The following SRBD1 variants were observed in gnomAD, a reference collection of about 807,000 sequenced individuals.
The protein encoded by SRBD1 is S1 RNA binding domain 1.
SRBD1 carries 88 observed loss-of-function variants against 115.3 expected under a neutral mutation model. The ratio of observed to expected loss-of-function variants is 0.76; its 90% CI spans 0.64 to 0.91. The LOEUF (loss-of-function observed/expected upper bound fraction) is 0.91, where lower values mean the gene tolerates loss of function less well. SRBD1 is among the 40% of genes least tolerant of loss of function. The pLI is 0.00. For synonymous variants in SRBD1, 509 were observed against 407.7 expected (o/e 1.25, Z -2.99); for missense variants, 1,385 against 1,177.4 (o/e 1.18, Z -2.58).
chr2:45,409,224 T>G (rs141791593), intron 19 of SRBD1, among the ~76,000 whole-genome samples: 1 of 151,740 alleles, frequency 6.6e-6, no homozygotes, highest in Non-Finnish European at 1.5e-5. Flanking sequence ...CCTGTCCACA[T>G]CCCCTCCGAT....
intron 5 of SRBD1, among the ~76,000 whole-genome samples, chr2:45,582,450 A>G (rs1277977827): frequency 6.6e-6 from 1 of 152,206 alleles, no homozygotes; most frequent in Non-Finnish European, 1.5e-5. Context: ...GGGTTTCTCC[A>G]AGACACAGGT....
At chr2:45,473,848 T>C (rs186499820) in intron 16 of SRBD1, among the ~76,000 whole-genome samples, 8 of 152,354 alleles carry the variant, frequency 5.3e-5, no homozygotes, top group Admixed American at 5.2e-4. Context: ...CTGTCTTCAG[T>C]TCAGGAAAAT....
At chr2:45,393,692 C>T (rs967809316) in intron 19 of SRBD1, among the ~76,000 whole-genome samples, 1 of 152,166 alleles carries the variant, frequency 6.6e-6, no homozygotes, top group African/African-American at 2.4e-5. Flanking sequence ...AAATATTTTA[C>T]ACTATAATAT....
intron 15 of SRBD1, among the ~76,000 whole-genome samples, chr2:45,483,075 A>G (rs772547507): frequency 6.6e-6 from 1 of 152,154 alleles, no homozygotes; most frequent in Non-Finnish European, 1.5e-5. Context: ...CAAAACACAA[A>G]AGAAATGCTA....
intron 14 of SRBD1, among the ~76,000 whole-genome samples, chr2:45,509,171 A>G (rs1033846785): frequency 6.6e-6 from 1 of 152,190 alleles, no homozygotes; most frequent in African/African-American, 2.4e-5. Flanking sequence ...TACCTACCCT[A>G]ATCTCCGAGG....
intron 18 of SRBD1, among the ~76,000 whole-genome samples, chr2:45,415,028 A>AT (rs1667774245): frequency 1.4e-5 from 1 of 72,378 alleles, no homozygotes; most frequent in African/African-American, 1.0e-4. Context: ...ATACACACAT[A>AT]TAGTGTGTAT....
intron 4 of SRBD1, among the ~76,000 whole-genome samples, chr2:45,587,095 ATATT>A (rs1180105799): frequency 7.6e-6 from 1 of 132,340 alleles, no homozygotes; most frequent in South Asian, 2.2e-4. Flanking sequence ...AATTTTTTAA[ATATT>A]TAATTATTTT....
intron 14 of SRBD1, among the ~76,000 whole-genome samples, chr2:45,541,080 G>A (rs895677835): frequency 6.6e-6 from 1 of 152,216 alleles, no homozygotes; most frequent in African/African-American, 2.4e-5. Context: ...TGCCAAGGGT[G>A]AGCCAGGCGT....
chr2:45,420,933 A>G (rs556346685), intron 16 of SRBD1, among the ~76,000 whole-genome samples: 6 of 152,234 alleles, frequency 3.9e-5, no homozygotes, highest in Non-Finnish European at 7.3e-5. Context: ...TTACATATGT[A>G]TACATGTGCC....
chr2:45,436,876 G>C (rs1313216961), intron 16 of SRBD1, among the ~76,000 whole-genome samples: 2 of 152,072 alleles, frequency 1.3e-5, no homozygotes, highest in African/African-American at 4.8e-5. Context: ...AAATTCAAAA[G>C]AATTGATTAA....
chr2:45,447,371 C>T (rs868583448), intron 16 of SRBD1: 1 of 152,252 alleles, frequency 6.6e-6, no homozygotes, highest in Non-Finnish European at 1.5e-5. Flanking sequence ...TGCTTGAACT[C>T]AGGGAAGCAG....
In SRBD1 at chr2:45,389,124, A is replaced by C. The variant is rs1666925397; in HGVS notation, c.*186T>G. The C allele has an allele frequency of 1.4e-6, 1 of 694,706 alleles. No individual in the cohort carries two copies. The highest frequency in any genetic ancestry group is 2.3e-6 in the Non-Finnish European group (1 of 430,448). 43.0% of individuals were successfully genotyped at this position (694,706 alleles called of 1,614,324 possible). A position where few individuals can be genotyped will look rare whatever the true frequency, so the allele number is the denominator to read the frequency against. On this transcript the variant is annotated 3_prime_UTR_variant, in exon 21 of 21. Coordinates refer to ENST00000263736, the MANE Select transcript of SRBD1 (RefSeq NM_018079.5). ...GTATTAGTTGTTTCCTTTAAGGGAA[A>C]AGGAAATCAAACTGTTGGTTTTCTA...
At chr2:45,596,287 T>C (rs560359109) in intron 4 of SRBD1, among the ~76,000 whole-genome samples, 1 of 152,364 alleles carries the variant, frequency 6.6e-6, no homozygotes, top group South Asian at 2.1e-4. Flanking sequence ...CAAGTAATCT[T>C]GCCTTTCTCT....
intron 14 of SRBD1, among the ~76,000 whole-genome samples, chr2:45,501,302 G>C (rs13411939): frequency 0.079 from 12,026 of 152,180 alleles, 658 homozygotes; most frequent in African/African-American, 0.14. Flanking sequence ...TTTTAGACAA[G>C]ATATCACTCT....
intron 2 of SRBD1, among the ~76,000 whole-genome samples, chr2:45,604,394 A>AGGGGGGAGGGGGGGGGGG (rs1674198874): frequency 2.1e-5 from 3 of 141,052 alleles, no homozygotes; most frequent in Non-Finnish European, 3.0e-5. Context: ...AGGGGGGTGG[A>AGGGGGGAGGGGGGGGGGG]GGAAGGGGAG....
chr2:45,572,519 A>G (rs1673050621), intron 9 of SRBD1, among the ~76,000 whole-genome samples: 1 of 152,130 alleles, frequency 6.6e-6, no homozygotes, highest in Non-Finnish European at 1.5e-5. Flanking sequence ...AAAACTAGGA[A>G]GTTTGTCACT....
Position 45,525,497 on chromosome 2 carries a change from A to G in SRBD1, c.1874+21235T>C, listed in dbSNP as rs572971151. Among the ~76,000 whole-genome samples the G allele has an allele frequency of 2.6e-5, 4 of 152,180 alleles. No homozygotes were observed. In the South Asian group the frequency reaches 6.2e-4, roughly 24 times the overall value. ...AGTAACAGTTTCAGTTATAGGAAGAATAAGTTTAAGCGATCTACTGTACAA... is the reference window on the plus strand; with the variant it reads ...AGTAACAGTTTCAGTTATAGGAAGAGTAAGTTTAAGCGATCTACTGTACAA... On this transcript the variant is annotated intron_variant, in intron 14 of 20. Transcript: ENST00000263736.
rs774235320 is a variant in SRBD1, at chr2:45,442,663, A to G, written c.2050-22769T>C. 2.6e-5 allele frequency among the ~76,000 whole-genome samples: 4 copies of G among 152,334 alleles called. No homozygotes were observed. The South Asian group carries it at 8.3e-4, about 32-fold the overall frequency. ...AGCAAGATCAGGACTCAGATAATTCATCTTATTCATTCTCAACCCATCAAG... is the reference window on the plus strand; with the variant it reads ...AGCAAGATCAGGACTCAGATAATTCGTCTTATTCATTCTCAACCCATCAAG... On this transcript the variant is annotated intron_variant, in intron 16 of 20. Transcript: ENST00000263736.
chr2:45,508,488 C>G (rs1044768417), intron 14 of SRBD1, among the ~76,000 whole-genome samples: 6 of 152,100 alleles, frequency 3.9e-5, no homozygotes, highest in African/African-American at 1.4e-4. Flanking sequence ...AAAATATAGT[C>G]TTTTATATGA....
Sources: allele counts gnomAD v4.1 joint callset (sites outside exome capture counted in the v4.1 genomes callset), GRCh38; gene constraint gnomAD v4.1.1; transcripts MANE v1.5; gene names NCBI Gene and HGNC (gene_info 2026-07-23, HGNC 2026-07-21).